The following AGBL4 variants were observed in gnomAD, a reference collection of about 807,000 sequenced individuals.
AGBL4 encodes the protein AGBL carboxypeptidase 4.
A neutral mutation model predicts 66.4 loss-of-function variants in AGBL4; 58 were observed. The ratio of observed to expected loss-of-function variants is 0.87; its 90% confidence interval spans 0.71 to 1.09. The LOEUF is 1.09. Among genes scored for constraint, AGBL4 ranks in the 50% least tolerant of loss-of-function variants. The pLI is 0.00. For synonymous variants in AGBL4, 234 were observed against 222.9 expected (o/e 1.05, Z -0.44); for missense variants, 579 against 631.0 (o/e 0.92, Z 0.88).
At chr1:48,776,679 G>A (rs1448956170) in intron 6 of AGBL4, 6 of 1,507,808 alleles carry the variant, frequency 4.0e-6, no homozygotes, top group Non-Finnish European at 4.4e-6. Flanking sequence ...GGGGGCTCTC[G>A]GGCCCGGCGC....
intron 5 of AGBL4, among the ~76,000 whole-genome samples, chr1:48,933,688 T>A (rs1252796290): frequency 3.9e-5 from 6 of 152,214 alleles, no homozygotes; most frequent in Non-Finnish European, 8.8e-5. Context: ...AGTAATTTTT[T>A]TCCTGTTTCT....
At chr1:48,860,059 T>A (rs1455172523) in intron 6 of AGBL4, among the ~76,000 whole-genome samples, 1 of 152,226 alleles carries the variant, frequency 6.6e-6, no homozygotes, top group Admixed American at 6.5e-5. Context: ...AAAAATTATA[T>A]CTACAACTGT....
At chr1:48,825,519 C>A (rs922135113) in intron 6 of AGBL4, among the ~76,000 whole-genome samples, 1 of 152,136 alleles carries the variant, frequency 6.6e-6, no homozygotes, top group African/African-American at 2.4e-5. Flanking sequence ...TTTCCACCTT[C>A]CCCCATGTAA....
chr1:48,604,003 C>A, intron 9 of AGBL4, among the ~76,000 whole-genome samples: 1 of 152,016 alleles, frequency 6.6e-6, no homozygotes, highest in African/African-American at 2.4e-5. Flanking sequence ...GGCATGGTGG[C>A]ACGCCTGTAA....
At chr1:49,485,034 G>T (rs528948733) in intron 3 of AGBL4, among the ~76,000 whole-genome samples, 152 of 151,852 alleles carry the variant, frequency 1.0e-3, no homozygotes, top group African/African-American at 3.5e-3. Flanking sequence ...TCAACCATTG[G>T]GGAAGTCAGT....
chr1:48,853,761 G>A (rs1045356200), intron 6 of AGBL4, among the ~76,000 whole-genome samples: 2 of 152,040 alleles, frequency 1.3e-5, no homozygotes, highest in African/African-American at 2.4e-5. Flanking sequence ...GCTGGGCTAG[G>A]TTGACTATAA....
At chr1:48,739,512 C>T (rs1323592037) in intron 6 of AGBL4, among the ~76,000 whole-genome samples, 1 of 152,218 alleles carries the variant, frequency 6.6e-6, no homozygotes, top group African/African-American at 2.4e-5. Flanking sequence ...TCATTTCCCG[C>T]TACTTCCAGT....
intron 6 of AGBL4, among the ~76,000 whole-genome samples, chr1:48,840,711 T>G (rs944434804): frequency 9.2e-5 from 14 of 152,320 alleles, no homozygotes; most frequent in African/African-American, 3.1e-4. Context: ...TCTTAAAAGG[T>G]TAAACAAAGT....
intron 4 of AGBL4, among the ~76,000 whole-genome samples, chr1:49,210,566 G>A (rs1364395323): frequency 6.6e-6 from 1 of 151,988 alleles, no homozygotes; most frequent in Non-Finnish European, 1.5e-5. Flanking sequence ...TGTAATCTCA[G>A]GAGGCCTTAT....
chr1:49,877,311 T>C (rs1180045464), intron 1 of AGBL4, among the ~76,000 whole-genome samples: 2 of 151,624 alleles, frequency 1.3e-5, no homozygotes, highest in Non-Finnish European at 2.9e-5. Flanking sequence ...TAGATAGCTC[T>C]TATTATTTTG....
intron 3 of AGBL4, among the ~76,000 whole-genome samples, chr1:49,332,501 A>G (rs1305297796): frequency 6.6e-6 from 1 of 152,218 alleles, no homozygotes; most frequent in African/African-American, 2.4e-5. Context: ...AAACCAAGAA[A>G]GGACAGTAGG....
At chr1:49,550,644 C>G (rs1459764369) in intron 3 of AGBL4, among the ~76,000 whole-genome samples, 1 of 152,160 alleles carries the variant, frequency 6.6e-6, no homozygotes, top group Admixed American at 6.5e-5. Context: ...TCCCTTCTAG[C>G]TTGTAGGGTT....
intron 3 of AGBL4, among the ~76,000 whole-genome samples, chr1:49,365,870 A>G (rs1644232530): frequency 2.0e-5 from 3 of 152,184 alleles, no homozygotes. Flanking sequence ...AGACAATTAG[A>G]AAGTTACTGA....
At chr1:49,880,481 G>A (rs1052813113) in intron 1 of AGBL4, among the ~76,000 whole-genome samples, 7 of 152,078 alleles carry the variant, frequency 4.6e-5, no homozygotes, top group Admixed American at 4.6e-4. Context: ...TTGGGGGTCG[G>A]GGTCAGGGAC....
chr1:50,022,321 A>T (rs560806967), intron 1 of AGBL4, among the ~76,000 whole-genome samples: 2 of 152,332 alleles, frequency 1.3e-5, no homozygotes, highest in African/African-American at 4.8e-5. Flanking sequence ...GGAAAAGAAG[A>T]ACAAGGTAAG....
chr1:49,489,162 G>A (rs1647133846), intron 3 of AGBL4, among the ~76,000 whole-genome samples: 1 of 151,622 alleles, frequency 6.6e-6, no homozygotes, highest in South Asian at 2.1e-4. Flanking sequence ...GTGTATGAGG[G>A]CTCCCCCTTC....
intron 4 of AGBL4, among the ~76,000 whole-genome samples, chr1:49,199,745 G>T (rs1256621271): frequency 6.6e-6 from 1 of 151,978 alleles, no homozygotes; most frequent in African/African-American, 2.4e-5. Context: ...GTTCTCCTTG[G>T]CTGGTTAATA....
chr1:49,979,530 G>A (rs1341451826), intron 1 of AGBL4, among the ~76,000 whole-genome samples: 2 of 151,080 alleles, frequency 1.3e-5, no homozygotes, highest in African/African-American at 4.9e-5. Flanking sequence ...AGGAAAAAAT[G>A]TAAGCAATTA....
At chr1:49,391,572 T>G (rs1346472599) in intron 3 of AGBL4, among the ~76,000 whole-genome samples, 5 of 149,898 alleles carry the variant, frequency 3.3e-5, no homozygotes, top group Middle Eastern at 6.8e-3. Flanking sequence ...TGTTTTTTTT[T>G]TTTTTTGGAG....
Sources: allele counts gnomAD v4.1 joint callset (sites outside exome capture counted in the v4.1 genomes callset), GRCh38; gene constraint gnomAD v4.1.1; transcripts MANE v1.5; gene names NCBI Gene and HGNC (gene_info 2026-07-23, HGNC 2026-07-21).